Variants in DRD3 observed in about 807,000 individuals in gnomAD.
The protein encoded by DRD3 is dopamine receptor D3, also known as D(3) dopamine receptor.
DRD3 carries 19 observed loss-of-function variants against 36.3 expected under a neutral mutation model. The observed-to-expected ratio is 0.52, with a 90% CI of 0.36 to 0.77. The LOEUF (loss-of-function observed/expected upper bound fraction) is 0.77, where lower values mean the gene tolerates loss of function less well. Ranked by LOEUF, DRD3 falls within the 30% of genes least tolerant of loss-of-function variation. The pLI is 0.00. For synonymous variants in DRD3, 195 were observed against 203.7 expected, an observed-to-expected ratio of 0.96 and a Z score of 0.36; for missense variants, 465 against 505.3, an observed-to-expected ratio of 0.92 and a Z score of 0.77.
intron 3 of DRD3, among the ~76,000 whole-genome samples, 157 bp downstream of exon 3, chr3:114,159,598 T>C (rs2077713583): frequency 6.6e-6 from 1 of 152,124 alleles, no homozygotes; most frequent in East Asian, 1.9e-4. Context: ...GGGTTTCTTC[T>C]CACCTGCAAA....
chr3:114,166,246 A>T (rs1013192699), intron 2 of DRD3, among the ~76,000 whole-genome samples: 1 of 152,050 alleles, frequency 6.6e-6, no homozygotes, highest in East Asian at 1.9e-4. Context: ...TCGGCCTCCC[A>T]AAGTGTGGGG....
chr3:114,166,447 T>C (rs1466324924), intron 2 of DRD3, among the ~76,000 whole-genome samples: 1 of 152,088 alleles, frequency 6.6e-6, no homozygotes, highest in Non-Finnish European at 1.5e-5. Context: ...CATGAGTGGA[T>C]TAATGTTGTT....
chr3:114,186,956 T>C (rs965231032), intron 1 of DRD3, among the ~76,000 whole-genome samples: 1 of 152,178 alleles, frequency 6.6e-6, no homozygotes, highest in African/African-American at 2.4e-5. Context: ...GATATGGAAG[T>C]GTTATTATGA....
intron 1 of DRD3, among the ~76,000 whole-genome samples, chr3:114,198,250 GA>G (rs1263344897): frequency 6.7e-6 from 1 of 150,222 alleles, no homozygotes; most frequent in African/African-American, 2.5e-5. Flanking sequence ...CTTTTTTGGA[GA>G]TGGAGTCTCA....
intron 4 of DRD3, among the ~76,000 whole-genome samples, chr3:114,146,710 A>G (rs1486959690): frequency 2.7e-5 from 4 of 150,276 alleles, no homozygotes; most frequent in Non-Finnish European, 4.4e-5. Context: ...AAAAAAAAAA[A>G]AAAAGAAAAA....
intron 3 of DRD3, among the ~76,000 whole-genome samples, chr3:114,153,168 T>G (rs1280702545): frequency 6.6e-6 from 1 of 152,190 alleles, no homozygotes; most frequent in African/African-American, 2.4e-5. Context: ...AGTGGTTTGT[T>G]TTTTCTAAGA....
At chr3:114,132,773 T>C (rs529826941) in intron 5 of DRD3, among the ~76,000 whole-genome samples, 176 of 152,244 alleles carry the variant, frequency 1.2e-3, no homozygotes, top group African/African-American at 4.1e-3. Flanking sequence ...ATGACTCAGT[T>C]TCTTCAACAA....
At chr3:114,192,701 T>C (rs1019553668) in intron 1 of DRD3, among the ~76,000 whole-genome samples, 1 of 152,214 alleles carries the variant, frequency 6.6e-6, no homozygotes, top group African/African-American at 2.4e-5. Context: ...GGTTGACTAA[T>C]GAAATTTTAT....
intron 5 of DRD3, among the ~76,000 whole-genome samples, chr3:114,135,989 C>G (rs904341121): frequency 1.3e-5 from 2 of 152,148 alleles, no homozygotes; most frequent in East Asian, 1.9e-4. Flanking sequence ...CCACACGCGG[C>G]CCCAAGATTA....
At chr3:114,152,863 C>T (rs948295661) in intron 3 of DRD3, among the ~76,000 whole-genome samples, 1 of 152,238 alleles carries the variant, frequency 6.6e-6, no homozygotes, top group Non-Finnish European at 1.5e-5. Context: ...TGGGCTTGGC[C>T]GGGAGAGAGA....
In DRD3 at chr3:114,131,188, C is replaced by T; in HGVS notation, c.936G>A (p.Leu312=). 1.2e-6 allele frequency: 2 copies of T among 1,614,210 alleles called. No homozygotes were observed. The highest frequency in any genetic ancestry group is 1.1e-5 in the South Asian group (1 of 91,072). The part of the protein sequence containing the change: ...SNGRLSTSLK[L]GPLQPRGVPL... ...GCACTCCCCGAGGTTGCAGGGGCCC[C>T]AGCTTCAAAGATGTCGATAATCTGC... Residue 312 remains leucine (L), a synonymous_variant, in exon 6 of 7, where the codon CTG becomes CTA. Transcript: ENST00000383673.
chr3:114,156,743 TTTTCTTTCTTTCTTTCTTTC>T (rs1158303889), intron 3 of DRD3, among the ~76,000 whole-genome samples: 12 of 20,720 alleles, frequency 5.8e-4, no homozygotes, highest in African/African-American at 9.5e-4. Context: ...CTTTCTTTCT[TTTTCTTTCTTTCTTTCTTTC>T]TTTCTTTCTT....
intron 6 of DRD3, among the ~76,000 whole-genome samples, chr3:114,129,882 A>T (rs1156523798): frequency 2.6e-5 from 4 of 152,154 alleles, no homozygotes; most frequent in African/African-American, 9.7e-5. Flanking sequence ...ACATGGCGAA[A>T]CCTTGTCTTT....
At chr3:114,171,657 C>T (rs2077843098) in intron 2 of DRD3, 66 bp downstream of exon 2, 2 of 1,457,000 alleles carry the variant, frequency 1.4e-6, no homozygotes, top group Non-Finnish European at 1.8e-6. Flanking sequence ...GCCCCAAAGG[C>T]CAGAACTCAG....
chr3:114,146,760 G>T (rs1419240043), intron 4 of DRD3, among the ~76,000 whole-genome samples: 1 of 151,536 alleles, frequency 6.6e-6, no homozygotes. Flanking sequence ...AGATGGACAT[G>T]GTACAAACAC....
intron 2 of DRD3, among the ~76,000 whole-genome samples, chr3:114,165,000 C>A (rs1227745301): frequency 1.3e-5 from 2 of 152,232 alleles, no homozygotes; most frequent in African/African-American, 4.8e-5. Flanking sequence ...ATCCACCCAC[C>A]TCGGCCTCCC....
At chr3:114,141,596 C>T (rs6786095) in intron 4 of DRD3, among the ~76,000 whole-genome samples, 3,469 of 152,144 alleles carry the variant, frequency 0.023, 139 homozygotes, top group African/African-American at 0.079. Flanking sequence ...AGAACTAAAA[C>T]GAAAAGAGTG....
chr3:114,148,711 C>CTTAT (rs1377588689), intron 3 of DRD3, among the ~76,000 whole-genome samples: 72 of 152,076 alleles, frequency 4.7e-4, no homozygotes, highest in African/African-American at 1.5e-3. Context: ...TGCTTGCTTG[C>CTTAT]TTATTTATTT....
intron 1 of DRD3, among the ~76,000 whole-genome samples, chr3:114,186,761 T>C (rs985152153): frequency 6.6e-6 from 1 of 152,220 alleles, no homozygotes; most frequent in African/African-American, 2.4e-5. Context: ...TTCAATAGAT[T>C]CCAGAGTTCC....
Sources: gnomAD v4.1 joint callset for allele counts (sites outside exome capture counted in the v4.1 genomes callset) on GRCh38, gnomAD v4.1.1 for gene constraint, MANE v1.5 for transcripts, NCBI Gene and HGNC (gene_info 2026-07-23, HGNC 2026-07-21) for gene names.